SYNPR: variants seen among roughly 807,000 people sequenced by gnomAD.
SYNPR encodes synaptoporin.
SYNPR carries 23 observed loss-of-function variants against 32.9 expected under a neutral mutation model. The observed-to-expected ratio is 0.70, with a 90% CI of 0.50 to 0.99. The LOEUF (loss-of-function observed/expected upper bound fraction) is 0.99, where lower values mean the gene tolerates loss of function less well. Among genes scored for constraint, SYNPR ranks in the 50% least tolerant of loss-of-function variants. SYNPR has a pLI of 0.00. For synonymous variants in SYNPR, 146 were observed against 135.9 expected (o/e 1.07, Z -0.52); for missense variants, 318 against 349.3 (o/e 0.91, Z 0.71).
intron 2 of SYNPR, among the ~76,000 whole-genome samples, chr3:63,337,367 A>G (rs967651372): frequency 6.6e-6 from 1 of 152,176 alleles, no homozygotes; most frequent in African/African-American, 2.4e-5. Flanking sequence ...ACAATGCCAA[A>G]TGCTGGTGAG....
intron 2 of SYNPR, among the ~76,000 whole-genome samples, chr3:63,283,128 C>A (rs929110459): frequency 2.0e-5 from 3 of 152,136 alleles, no homozygotes; most frequent in African/African-American, 7.2e-5. Context: ...TGCACACACA[C>A]AAGAAATTCT....
intron 3 of SYNPR, among the ~76,000 whole-genome samples, chr3:63,554,727 GTTT>G (rs34793289): frequency 6.7e-6 from 1 of 149,686 alleles, no homozygotes; most frequent in East Asian, 2.0e-4. Flanking sequence ...TTTTAGAATA[GTTT>G]TTTTTTTAAT....
chr3:63,556,823 T>G, intron 4 of SYNPR, 82 bp downstream of exon 4: 1 of 1,332,370 alleles, frequency 7.5e-7, no homozygotes, highest in East Asian at 2.5e-5. Context: ...TGGAGTTACC[T>G]GAGCCCTCGG....
At chr3:63,370,708 C>T (rs1292333089) in intron 2 of SYNPR, among the ~76,000 whole-genome samples, 1 of 152,154 alleles carries the variant, frequency 6.6e-6, no homozygotes, top group African/African-American at 2.4e-5. Context: ...ATCTTTTACT[C>T]TTCTGCAATT....
chr3:63,562,882 T>G (rs550666821), intron 4 of SYNPR, among the ~76,000 whole-genome samples: 1 of 152,312 alleles, frequency 6.6e-6, no homozygotes, highest in African/African-American at 2.4e-5. Flanking sequence ...TGGAAGCTGT[T>G]ACTTCACGTA....
chr3:63,475,941 G>A (rs75170116), intron 2 of SYNPR, among the ~76,000 whole-genome samples: 1 of 151,954 alleles, frequency 6.6e-6, no homozygotes, highest in African/African-American at 2.4e-5. Context: ...GAGCATCAGT[G>A]GTCAAGCAAG....
intron 3 of SYNPR, among the ~76,000 whole-genome samples, chr3:63,272,370 G>C (rs1199461788): frequency 6.6e-6 from 1 of 152,120 alleles, no homozygotes; most frequent in Non-Finnish European, 1.5e-5. Flanking sequence ...ACTGACTCTA[G>C]GACTTGTGTC....
intron 3 of SYNPR, among the ~76,000 whole-genome samples, chr3:63,483,559 A>C (rs1352061193): frequency 1.3e-5 from 2 of 152,146 alleles, no homozygotes; most frequent in East Asian, 3.9e-4. Flanking sequence ...AACTCTACAT[A>C]CTTGAGTATT....
At chr3:63,224,604 G>A (rs940087983), upstream of SYNPR, among the ~76,000 whole-genome samples, 4 of 152,222 alleles carry the variant, frequency 2.6e-5, no homozygotes, top group African/African-American at 9.6e-5. Flanking sequence ...ATAAACTTCA[G>A]TTTGTCCAGA....
At chr3:63,568,695 G>T (rs1216113767) in intron 4 of SYNPR, among the ~76,000 whole-genome samples, 1 of 152,050 alleles carries the variant, frequency 6.6e-6, no homozygotes, top group Non-Finnish European at 1.5e-5. Flanking sequence ...AATAAAGCTG[G>T]GCAGAGACAA....
At chr3:63,576,588 G>A (rs1053807938) in intron 4 of SYNPR, among the ~76,000 whole-genome samples, 4 of 151,902 alleles carry the variant, frequency 2.6e-5, no homozygotes, top group Non-Finnish European at 4.4e-5. Flanking sequence ...TCAGGAGATC[G>A]AGAACATCCT....
intron 4 of SYNPR, among the ~76,000 whole-genome samples, chr3:63,579,799 ACACACACACACACACACACACACACG>A (rs1703057596): frequency 7.1e-6 from 1 of 140,554 alleles, no homozygotes; most frequent in East Asian, 2.0e-4. Context: ...ACACACACAC[ACACACACACACACACACACACACACG>A]CACACACACA....
chr3:63,293,829 G>A (rs769469088), intron 2 of SYNPR, among the ~76,000 whole-genome samples: 38 of 151,834 alleles, frequency 2.5e-4, no homozygotes, highest in Non-Finnish European at 4.3e-4. Flanking sequence ...TTTCTATGAC[G>A]CCAGTCATAT....
chr3:63,393,964 G>T (rs535868046), intron 2 of SYNPR, among the ~76,000 whole-genome samples: 12 of 152,178 alleles, frequency 7.9e-5, no homozygotes, highest in Non-Finnish European at 1.5e-4. Context: ...ACTTGTAGTA[G>T]TTATTTACAT....
At chr3:63,397,733 T>C (rs2088234497) in intron 2 of SYNPR, among the ~76,000 whole-genome samples, 1 of 152,198 alleles carries the variant, frequency 6.6e-6, no homozygotes, top group East Asian at 1.9e-4. Flanking sequence ...CTGTATGACT[T>C]TGAACAAATC....
intron 2 of SYNPR, among the ~76,000 whole-genome samples, chr3:63,387,169 G>C (rs1204129971): frequency 6.6e-6 from 1 of 152,082 alleles, no homozygotes; most frequent in Non-Finnish European, 1.5e-5. Context: ...AACCCCATAA[G>C]AGTTTTCTAT....
At chr3:63,202,048 A>T in the SYNPR span, among the ~76,000 whole-genome samples, 2 of 152,124 alleles carry the variant, frequency 1.3e-5, no homozygotes, top group South Asian at 2.1e-4. Flanking sequence ...TAAGTTTTTT[A>T]AAAACCCCAG....
intron 2 of SYNPR, among the ~76,000 whole-genome samples, chr3:63,442,166 T>G (rs1575645958): frequency 3.2e-5 from 2 of 63,002 alleles, no homozygotes; most frequent in South Asian, 6.7e-4. Context: ...GTAGTGATAG[T>G]GTGTGTGTGT....
intron 3 of SYNPR, among the ~76,000 whole-genome samples, chr3:63,535,893 T>C (rs1221001896): frequency 6.6e-6 from 1 of 152,032 alleles, no homozygotes; most frequent in Non-Finnish European, 1.5e-5. Context: ...TCTTAGATAA[T>C]GGTATCAAAG....
Sources: allele counts gnomAD v4.1 joint callset (sites outside exome capture counted in the v4.1 genomes callset), GRCh38; gene constraint gnomAD v4.1.1; transcripts MANE v1.5; gene names NCBI Gene and HGNC (gene_info 2026-07-23, HGNC 2026-07-21).